Variants in RPS7 observed in about 807,000 individuals in gnomAD.
The protein encoded by RPS7 is small ribosomal subunit protein eS7.
In RPS7, 1 loss-of-function variant was observed where a neutral mutation model predicts 22.1. That is an observed-to-expected ratio of 0.05 (90% confidence interval 0.02 to 0.21). The LOEUF (loss-of-function observed/expected upper bound fraction) is 0.21, where lower values mean the gene tolerates loss of function less well. Among genes scored for constraint, RPS7 ranks in the 10% least tolerant of loss-of-function variants. The pLI is 1.00. For missense variants in RPS7, 137 were observed against 246.4 expected (o/e 0.56, Z 2.97); for synonymous variants, 80 against 92.0 (o/e 0.87, Z 0.74).
rs1572360994 is a variant in RPS7, at chr2:3,580,876, A to G, written c.579A>G (p.Gln193=). The G allele has an allele frequency of 3.3e-6, 5 of 1,516,170 alleles. No individual in the cohort carries two copies. The highest frequency in any genetic ancestry group is 4.6e-6 in the Non-Finnish European group (5 of 1,095,722). The allele number at this position is 1,516,170 out of a possible 1,614,324, so 93.9% of individuals were successfully genotyped here. ...TTAATTTTGAATTCCCAGAGTTTCA[A>G]TTGTAAACAAAAATGACTAAATAAA... ...KDVNFEFPEF[Q]L The change falls in exon 7 of 7, where the codon CAA becomes CAG. Residue 193 remains glutamine (Q), a synonymous_variant. Transcript: ENST00000645674.
In RPS7 at chr2:3,576,480, T is replaced by A. The variant is rs968660147; in HGVS notation, c.148-7T>A. 9 of 1,613,640 alleles carry A rather than the reference T, an allele frequency of 5.6e-6. No homozygotes were observed. The highest frequency in any genetic ancestry group is 7.6e-6 in the Non-Finnish European group (9 of 1,179,656). On this transcript the variant is annotated splice_region_variant and splice_polypyrimidine_tract_variant and intron_variant, in intron 3 of 6. Transcript: ENST00000645674. ...TTAACACAGTGGATTTTTGTTTTTT[T>A]CTTTAGGAAATTGAAGTTGGTGGTG...
chr2:3,580,103 C>T lies in RPS7; in HGVS notation c.357-7C>T. 1 of 1,613,734 alleles carries T rather than the reference C, an allele frequency of 6.2e-7. No homozygotes were observed. The highest frequency in any genetic ancestry group is 8.5e-7 in the Non-Finnish European group (1 of 1,179,794). ...TAGGTTGCTTACCTTTTAAACTATTCTTTTAGCCGTACTCTGACAGCTGTG... is the reference window on the plus strand; with the variant it reads ...TAGGTTGCTTACCTTTTAAACTATTTTTTTAGCCGTACTCTGACAGCTGTG... On this transcript the variant is annotated splice_region_variant and splice_polypyrimidine_tract_variant and intron_variant, in intron 5 of 6. Transcript: ENST00000645674.
intron 2 of RPS7, 31 bp from the exon 3 acceptor site, chr2:3,575,786 A>G (rs773531188): frequency 6.2e-7 from 1 of 1,607,274 alleles, no homozygotes; most frequent in Non-Finnish European, 8.5e-7. Context: ...ACGCGCGCTC[A>G]GGGTCGGTCC....
intron 5 of RPS7, chr2:3,579,225 T>C (rs1204555881): frequency 6.6e-6 from 1 of 152,242 alleles, no homozygotes; most frequent in African/African-American, 2.4e-5. Flanking sequence ...TGAGTCGCAA[T>C]GAATAATCCG....
intron 6 of RPS7, 75 bp from the exon 7 acceptor site, chr2:3,580,730 A>C: frequency 1.1e-6 from 1 of 941,132 alleles, no homozygotes; most frequent in Non-Finnish European, 1.7e-6. Flanking sequence ...ACAGGGCACA[A>C]TTTCACGAAA....
chr2:3,576,907 T>G (rs1661293103), intron 4 of RPS7: 1 of 454,330 alleles, frequency 2.2e-6, no homozygotes, highest in Non-Finnish European at 4.0e-6. Context: ...AAAGATAAAG[T>G]ACGTTCTTTA....
intron 5 of RPS7, chr2:3,578,774 A>G (rs1420905861): frequency 6.6e-6 from 1 of 152,204 alleles, no homozygotes; most frequent in Admixed American, 6.5e-5. Context: ...TCAGTTAGGA[A>G]ATGAGTATAA....
In RPS7 at chr2:3,576,613, G is replaced by A. The variant is rs1162563715; in HGVS notation, c.274G>A (p.Val92Ile). Reference sequence around the variant, plus strand: ...GGAGAAAAAGTTCAGTGGGAAGCATGTCGTCTTTATCGCTCAGGTATCTGT... The same window carrying A: ...GGAGAAAAAGTTCAGTGGGAAGCATATCGTCTTTATCGCTCAGGTATCTGT... ...ELEKKFSGKH[V>I]VFIAQRRILP... The change falls in exon 4 of 7, where the codon GTC (valine) becomes ATC (isoleucine). Residue 92 changes from valine to isoleucine, a missense_variant. By Grantham distance (29) the Val-to-Ile change is conservative. Around this residue, in one of 2 missense-constraint regions of RPS7, gnomAD observed 74 missense variants for 171.4 expected, o/e 0.43. Coordinates refer to ENST00000645674, the MANE Select transcript of RPS7 (RefSeq NM_001011.4). The A allele has an allele frequency of 1.2e-5, 20 of 1,614,074 alleles. No homozygotes were observed. The highest frequency in any genetic ancestry group is 2.7e-5 in the African/African-American group (2 of 74,916).
At chr2:3,577,637 G>A (rs1661312716) in intron 4 of RPS7, 73 bp from the exon 5 acceptor site, 3 of 1,082,698 alleles carry the variant, frequency 2.8e-6, no homozygotes, top group African/African-American at 1.6e-5. Context: ...TTTTAAAGCA[G>A]TATGGCAGTT....
chr2:3,576,004 C>G (rs545821071), intron 3 of RPS7, 116 bp downstream of exon 3: 2 of 799,120 alleles, frequency 2.5e-6, no homozygotes, highest in African/African-American at 3.4e-5. Context: ...GCCGCCTAAC[C>G]TGAACTCAGG....
Position 3,580,895 on chromosome 2 carries a change from A to G in RPS7, c.*13A>G, listed in dbSNP as rs1558474095. On this transcript the variant is annotated 3_prime_UTR_variant, in exon 7 of 7. Coordinates refer to ENST00000645674, the MANE Select transcript of RPS7 (RefSeq NM_001011.4). Reference sequence around the variant, plus strand: ...GTTTCAATTGTAAACAAAAATGACTAAATAAAAAGTATATATTCACAGTAC... The same window carrying G: ...GTTTCAATTGTAAACAAAAATGACTGAATAAAAAGTATATATTCACAGTAC... 2 of 1,408,124 alleles carry G rather than the reference A, an allele frequency of 1.4e-6. No individual in the cohort carries two copies. The highest frequency in any genetic ancestry group is 2.3e-5 in the East Asian group (1 of 43,982). The allele number at this position is 1,408,124 out of a possible 1,614,324, so 87.2% of individuals were successfully genotyped here. A position where few individuals can be genotyped will look rare whatever the true frequency, so the allele number is the denominator to read the frequency against.
At chr2:3,580,575 T>TG in intron 6 of RPS7, 1 of 621,890 alleles carries the variant, frequency 1.6e-6, no homozygotes, top group Non-Finnish European at 2.8e-6. Flanking sequence ...CATAACCATG[T>TG]GGGTGACTGC....
At chr2:3,576,739 C>CG in intron 4 of RPS7, 109 bp downstream of exon 4, 1 of 1,290,682 alleles carries the variant, frequency 7.7e-7, no homozygotes, top group Non-Finnish European at 1.1e-6. Context: ...TTTTATGAAT[C>CG]CAATTGGGTA....
chr2:3,577,299 G>A (rs1661301906), intron 4 of RPS7: 1 of 190,474 alleles, frequency 5.3e-6, no homozygotes, highest in Non-Finnish European at 1.1e-5. Context: ...TCCCGCCACT[G>A]AACTTCAGCC....
chr2:3,579,024 C>G (rs1661345769), intron 5 of RPS7: 1 of 152,192 alleles, frequency 6.6e-6, no homozygotes, highest in South Asian at 2.1e-4. Context: ...TTATCTAACT[C>G]AGGTTAAATG....
At position 3,577,088 on chromosome 2, in the gene RPS7, C is replaced by T. The variant is rs549070684; in HGVS notation, c.291+458C>T. 1.7e-3 allele frequency: 386 copies of T among 223,570 alleles called. 2 individuals are homozygous for T. Among genetic ancestry groups the T allele is most frequent in the African/African-American group, 8.3e-3 (356 of 42,948 alleles). The allele number at this position is 223,570 out of a possible 1,614,324, so 13.8% of individuals were successfully genotyped here. ...CTGTGGCTCACTCCTGTAATCCCAG[C>T]ACTTTGGGAGGCTGAGGCAGGCGGA... On this transcript the variant is annotated intron_variant, in intron 4 of 6. Transcript: ENST00000645674.
chr2:3,575,538 G>A (rs1226053691), intron 1 of RPS7, 54 bp from the exon 2 acceptor site: 2 of 1,338,848 alleles, frequency 1.5e-6, no homozygotes, highest in East Asian at 2.3e-5. Flanking sequence ...GCGGGAGGGC[G>A]AGCCAGCGGC....
intron 3 of RPS7, 22 bp downstream of exon 3, chr2:3,575,910 T>C: frequency 1.3e-6 from 2 of 1,564,462 alleles, no homozygotes; most frequent in Non-Finnish European, 1.8e-6. Context: ...CTCCCTCGGC[T>C]GGGAGGGAGG....
Position 3,580,789 on chromosome 2 carries a change from C to A in RPS7, c.508-16C>A, listed in dbSNP as rs539208774. 3.0e-5 allele frequency: 46 copies of A among 1,516,918 alleles called. No individual in the cohort carries two copies. The East Asian group carries it at 1.0e-3, about 34-fold the overall frequency. The allele number at this position is 1,516,918 out of a possible 1,614,324, so 94.0% of individuals were successfully genotyped here. A position where few individuals can be genotyped will look rare whatever the true frequency, so the allele number is the denominator to read the frequency against. Reference sequence around the variant, plus strand: ...GTATTTCAAAGTTCTGTGATGAATTCTTTCTTTTCTTGTAGGTTGAAACTT... The same window carrying A: ...GTATTTCAAAGTTCTGTGATGAATTATTTCTTTTCTTGTAGGTTGAAACTT... On this transcript the variant is annotated splice_polypyrimidine_tract_variant and intron_variant, in intron 6 of 6. Coordinates refer to ENST00000645674, the MANE Select transcript of RPS7 (RefSeq NM_001011.4).
Sources: gnomAD v4.1 joint callset for allele counts on GRCh38, gnomAD v4.1.1 for gene constraint, gnomAD v4.1.1 regional missense constraint, MANE v1.5 for transcripts, NCBI Gene and HGNC (gene_info 2026-07-23, HGNC 2026-07-21) for gene names.